The following NRIP3 variants were observed in gnomAD, a reference collection of about 807,000 sequenced individuals.
NRIP3 encodes nuclear receptor-interacting protein 3.
In NRIP3, 31 loss-of-function variants were observed where a neutral mutation model predicts 29.0. The observed-to-expected ratio is 1.07, with a 90% CI of 0.80 to 1.44. The LOEUF (loss-of-function observed/expected upper bound fraction) is 1.44. NRIP3 is among the 40% of genes most tolerant of loss of function. The probability of loss-of-function intolerance (pLI) is 0.00; values close to 1 mark genes in which losing one functional copy is unlikely to be tolerated. For missense variants in NRIP3, 314 were observed against 297.9 expected (o/e 1.05, Z -0.40); for synonymous variants, 131 against 118.3 (o/e 1.11, Z -0.70).
intron 1 of NRIP3, among the ~76,000 whole-genome samples, chr11:9,003,089 CACATTA>C (rs1356558596): frequency 1.3e-5 from 2 of 152,174 alleles, no homozygotes; most frequent in Non-Finnish European, 2.9e-5. Context: ...TCCAGATGCA[CACATTA>C]GCTGGTCGGT....
At chr11:9,004,050 G>C (rs1432504957), upstream of NRIP3, 3 of 1,100,634 alleles carry the variant, frequency 2.7e-6, no homozygotes, top group Non-Finnish European at 3.6e-6. Context: ...GTGACGTCGC[G>C]GGGAGCAGCC....
Position 8,988,246 on chromosome 11 carries a change from T to C in NRIP3, c.211A>G (p.Thr71Ala), listed in dbSNP as rs1854548203. ...HNILQRRLMETNLSKLRSGPR... is the reference protein window; with the variant it reads ...HNILQRRLMEANLSKLRSGPR... ...CCGCTTCGGAGCTTAGACAGGTTGG[T>C]TTCCATGAGGCGCCTCTGCAGAATA... is the stretch of plus-strand genomic sequence containing the variant. Residue 71 changes from threonine (T) to alanine (A), a missense_variant, in exon 2 of 7, where the codon ACC becomes GCC. Thr to Ala is a moderately conservative substitution (Grantham distance 58). Coordinates refer to ENST00000309166, the MANE Select transcript of NRIP3 (RefSeq NM_020645.3). 1 of 1,614,032 alleles carries C rather than the reference T, an allele frequency of 6.2e-7. No individual in the cohort carries two copies. Among genetic ancestry groups the C allele is most frequent in the African/African-American group, 1.3e-5 (1 of 74,908 alleles).
At chr11:8,984,200 TTCCA>T (rs2134905394) in intron 4 of NRIP3, 76 bp from the exon 5 acceptor site, 1 of 880,126 alleles carries the variant, frequency 1.1e-6, no homozygotes, top group Non-Finnish European at 1.9e-6. Context: ...CACTATTAGG[TTCCA>T]TCCATCCATC....
chr11:8,993,271 G>T (rs886881574), intron 1 of NRIP3, among the ~76,000 whole-genome samples: 7 of 152,174 alleles, frequency 4.6e-5, no homozygotes, highest in Non-Finnish European at 7.3e-5. Context: ...TTACTTGAAG[G>T]AGAATTAAAT....
At chr11:8,990,264 CA>C (rs1443667072) in intron 1 of NRIP3, among the ~76,000 whole-genome samples, 1 of 152,178 alleles carries the variant, frequency 6.6e-6, no homozygotes, top group Admixed American at 6.5e-5. Context: ...TAAACCATGA[CA>C]TCTATTTTCT....
intron 1 of NRIP3, among the ~76,000 whole-genome samples, chr11:8,988,927 C>A (rs1980429): frequency 0.55 from 83,206 of 152,040 alleles, 22,960 homozygotes; most frequent in South Asian, 0.74. Context: ...GAAACCTGAG[C>A]GAACACACAA....
In NRIP3 at chr11:8,982,830, T is replaced by C. The variant is rs1364198161; in HGVS notation, c.*715A>G. ...GAGAATATTCCTCCCATGCTCTGCC[T>C]TTTTTTTTTTTTTTTTAACACATTC... On this transcript the variant is annotated 3_prime_UTR_variant, in exon 7 of 7. Transcript: ENST00000309166. The C allele has an allele frequency of 3.3e-5, 2 of 60,828 alleles. No individual in the cohort carries two copies. Among genetic ancestry groups the C allele is most frequent in the African/African-American group, 5.2e-5 (1 of 19,060 alleles). 3.8% of individuals were successfully genotyped at this position (60,828 alleles called of 1,614,324 possible). A position where few individuals can be genotyped will look rare whatever the true frequency, so the allele number is the denominator to read the frequency against.
rs1480481757 is a variant in NRIP3, at chr11:8,981,606, G to A, written c.*1939C>T. Reference sequence around the variant, plus strand: ...ACTTCAACTTAGTACCAGGATAAGAGGCAGGCCAAAGTATTGCCATGAAAG... The same window carrying A: ...ACTTCAACTTAGTACCAGGATAAGAAGCAGGCCAAAGTATTGCCATGAAAG... On this transcript the variant is annotated 3_prime_UTR_variant, in exon 7 of 7. Transcript: ENST00000309166. The A allele has an allele frequency of 6.6e-6, 1 of 152,262 alleles. No individual in the cohort carries two copies. Among genetic ancestry groups the A allele is most frequent in the Non-Finnish European group, 1.5e-5 (1 of 68,154 alleles). The allele number at this position is 152,262 out of a possible 1,614,324, so 9.4% of individuals were successfully genotyped here. A position where few individuals can be genotyped will look rare whatever the true frequency, so the allele number is the denominator to read the frequency against.
chr11:8,985,619 T>C, intron 4 of NRIP3, 92 bp downstream of exon 4: 1 of 1,479,642 alleles, frequency 6.8e-7, no homozygotes, highest in Non-Finnish European at 9.1e-7. Flanking sequence ...AAAAAGTCAA[T>C]ATTTACAGGC....
At chr11:9,003,136 C>T (rs924226205) in intron 1 of NRIP3, among the ~76,000 whole-genome samples, 9 of 152,186 alleles carry the variant, frequency 5.9e-5, no homozygotes, top group Non-Finnish European at 1.3e-4. Context: ...CCTCCCTCTA[C>T]CCACTCCTTG....
In NRIP3 at chr11:8,984,849, C is replaced by CT. The variant is rs1046754129; in HGVS notation, c.563-726dup. 9.4e-5 allele frequency among the ~76,000 whole-genome samples: 14 copies of CT among 148,904 alleles called. No homozygotes were observed. In the South Asian group the frequency reaches 1.5e-3, roughly 16 times the overall value. ...TACATAAAAATGTGTTTTCTTGCTC[C>CT]TTTTTTTTTTCTTTCTTTTGAGACG... On this transcript the variant is annotated intron_variant, in intron 4 of 6. Coordinates refer to ENST00000309166, the MANE Select transcript of NRIP3 (RefSeq NM_020645.3).
intron 1 of NRIP3, among the ~76,000 whole-genome samples, chr11:9,001,256 C>T (rs1232198549): frequency 1.3e-5 from 2 of 152,150 alleles, no homozygotes; most frequent in Non-Finnish European, 2.9e-5. Context: ...TTTCCTGGGG[C>T]CAAGAGAACA....
chr11:8,998,695 T>C lies in NRIP3; in HGVS notation c.174+5067A>G, dbSNP rs185393350. Among the ~76,000 whole-genome samples, 3 of 152,284 alleles carry C rather than the reference T, an allele frequency of 2.0e-5. No homozygotes were observed. The East Asian group carries it at 5.8e-4, about 29-fold the overall frequency. ...AACTAGCACAGGCTTTCTGGTGGTG[T>C]TACTTATCTTCTTCTAGAATTGTCT... On this transcript the variant is annotated intron_variant, in intron 1 of 6. Coordinates refer to ENST00000309166, the MANE Select transcript of NRIP3 (RefSeq NM_020645.3).
chr11:9,004,019 C>G, upstream of NRIP3: 3 of 1,308,456 alleles, frequency 2.3e-6, no homozygotes, highest in Admixed American at 1.2e-4. Context: ...GGGCCCCGAG[C>G]CGCGCCTTTT....
rs1352328738 is a variant in NRIP3 at position 8,988,251 on chromosome 11, A to G, written c.206T>C (p.Met69Thr). ...QPHNILQRRL[M>T]ETNLSKLRSG... is the part of the protein sequence containing the mutation. Reference sequence around the variant, plus strand: ...TCGGAGCTTAGACAGGTTGGTTTCCATGAGGCGCCTCTGCAGAATATTATG... The same window carrying G: ...TCGGAGCTTAGACAGGTTGGTTTCCGTGAGGCGCCTCTGCAGAATATTATG... The change falls in exon 2 of 7, where the codon ATG becomes ACG. Residue 69 changes from methionine to threonine, a missense_variant. By Grantham distance (81) the Met-to-Thr change is moderately conservative. Coordinates refer to ENST00000309166, the MANE Select transcript of NRIP3 (RefSeq NM_020645.3). 5 of 1,614,056 alleles carry G rather than the reference A, an allele frequency of 3.1e-6. No individual in the cohort carries two copies. In the Admixed American group the frequency reaches 5.0e-5, roughly 16 times the overall value.
intron 4 of NRIP3, 143 bp downstream of exon 4, chr11:8,985,568 T>G: frequency 2.1e-6 from 2 of 941,914 alleles, no homozygotes. Context: ...GAGCAAAAAT[T>G]GGGACAAGGT....
In NRIP3 at chr11:8,983,292, C is replaced by G. The variant is rs778601020; in HGVS notation, c.*253G>C. The G allele has an allele frequency of 1.2e-4, 66 of 557,774 alleles. No individual in the cohort carries two copies. The highest frequency in any genetic ancestry group is 1.8e-4 in the Non-Finnish European group (58 of 313,830). 34.6% of individuals were successfully genotyped at this position (557,774 alleles called of 1,614,324 possible). A position where few individuals can be genotyped will look rare whatever the true frequency, so the allele number is the denominator to read the frequency against. The stretch of plus-strand genomic sequence containing the variant: ...GCAGAGAAATAGGCCACAAGTGAGA[C>G]TGGCAGTGTCAAAAAAGGTCTATAA... On this transcript the variant is annotated 3_prime_UTR_variant, in exon 7 of 7. Coordinates refer to ENST00000309166, the MANE Select transcript of NRIP3 (RefSeq NM_020645.3).
At chr11:8,996,275 C>CTTTT (rs386373056) in intron 1 of NRIP3, among the ~76,000 whole-genome samples, 993 of 82,872 alleles carry the variant, frequency 0.012, 7 homozygotes, top group East Asian at 0.015. Context: ...CCTTTTTTTC[C>CTTTT]TTTTTTTTTT....
In NRIP3 at chr11:8,987,590, C is replaced by T; in HGVS notation, c.380G>A (p.Cys127Tyr). The T allele has an allele frequency of 6.2e-7, 1 of 1,614,142 alleles. No individual in the cohort carries two copies. The highest frequency in any genetic ancestry group is 8.5e-7 in the Non-Finnish European group (1 of 1,179,992). The change falls in exon 3 of 7, where the codon TGC (cysteine) becomes TAC (tyrosine). Residue 127 changes from cysteine to tyrosine, a missense_variant. Coordinates refer to ENST00000309166, the MANE Select transcript of NRIP3 (RefSeq NM_020645.3). ...GGCCAAAGAGATGAGATTATATAGG[C>T]AGCCTGTGTCAACCAAGGCTTTCAC... is the stretch of plus-strand genomic sequence containing the variant. ...KDVKALVDTG[C>Y]LYNLISLACV...
Sources: gnomAD v4.1 joint callset for allele counts (sites outside exome capture counted in the v4.1 genomes callset) on GRCh38, gnomAD v4.1.1 for gene constraint, MANE v1.5 for transcripts, NCBI Gene and HGNC (gene_info 2026-07-23, HGNC 2026-07-21) for gene names.